ADAMTS9: variants seen among roughly 807,000 people sequenced by gnomAD.
ADAMTS9 encodes A disintegrin and metalloproteinase with thrombospondin motifs 9.
In ADAMTS9, 107 loss-of-function variants were observed where a neutral mutation model predicts 257.1. The ratio of observed to expected loss-of-function variants is 0.42; its 90% CI spans 0.36 to 0.49. The LOEUF is 0.49. Among genes scored for constraint, ADAMTS9 ranks in the 20% least tolerant of loss-of-function variants. ADAMTS9 has a pLI of 0.03. For missense variants in ADAMTS9, 2,353 were observed against 2,469.1 expected, an observed-to-expected ratio of 0.95 and a Z score of 1.00; for synonymous variants, 982 against 880.9, an observed-to-expected ratio of 1.11 and a Z score of -2.03.
chr3:64,638,977 A>G (rs1039756025), intron 12 of ADAMTS9, among the ~76,000 whole-genome samples: 3 of 152,150 alleles, frequency 2.0e-5, no homozygotes, highest in Non-Finnish European at 2.9e-5. Context: ...AACTGACAAA[A>G]GGCATATTCC....
intron 29 of ADAMTS9, among the ~76,000 whole-genome samples, chr3:64,566,314 TTACCCATGCAG>T (rs1268683258): frequency 3.3e-5 from 5 of 152,222 alleles, no homozygotes; most frequent in African/African-American, 1.2e-4. Flanking sequence ...AAATTGAATT[TTACCCATGCAG>T]TACTTTGTCT....
chr3:64,538,673 A>G lies in ADAMTS9; in HGVS notation c.5613+530T>C, dbSNP rs1215555392. Among the ~76,000 whole-genome samples the G allele has an allele frequency of 7.2e-5, 11 of 152,192 alleles. No homozygotes were observed. In the South Asian group the frequency reaches 1.5e-3, roughly 20 times the overall value. ...AATATTCAGATTCATAAAGGCTGAC[A>G]GTGGTGTGTTGGCACGTGCTTGAAC... On this transcript the variant is annotated intron_variant, in intron 37 of 39. Transcript: ENST00000498707.
At chr3:64,641,243 T>C (rs1331719768) in intron 12 of ADAMTS9, among the ~76,000 whole-genome samples, 6 of 108,914 alleles carry the variant, frequency 5.5e-5, no homozygotes, top group Non-Finnish European at 5.6e-5. Flanking sequence ...ATTAGTGTGC[T>C]ATCTTTTTTT....
Position 64,607,030 on chromosome 3 carries a change from A to G in ADAMTS9, c.3404T>C (p.Ile1135Thr). The G allele has an allele frequency of 6.2e-7, 1 of 1,613,922 alleles. No homozygotes were observed. Among genetic ancestry groups the G allele is most frequent in the Non-Finnish European group, 8.5e-7 (1 of 1,179,836 alleles). Residue 1135 changes from isoleucine to threonine, a missense_variant, in exon 23 of 40, where the codon ATC becomes ACC. Physicochemically the swap from Ile to Thr is moderately conservative, Grantham distance 89. This residue lies in a region of ADAMTS9 where 1,402 missense variants were observed against 1,441.4 expected (regional missense o/e 0.97). Transcript: ENST00000498707. ...QGYQLRAVKC[I>T]IGTYMSVVDD... The stretch of plus-strand genomic sequence containing the variant: ...TACCACTGACATATAAGTCCCAATG[A>G]TGCATTTCACTGCTCTTAGCTGGTA...
rs764821337 is a variant in ADAMTS9, at chr3:64,654,358, G to T, written c.1311C>A (p.Gly437=). The part of the protein sequence containing the change: ...STAFTIAHEL[G]HVFNMPHDDN... ...ATTACTGAAAGGTAACTCACACATGGCCCAGCTCATGGGCGATCGTAAAAG... is the reference window on the plus strand; with the variant it reads ...ATTACTGAAAGGTAACTCACACATGTCCCAGCTCATGGGCGATCGTAAAAG... Residue 437 remains glycine (G), a synonymous_variant, in exon 8 of 40, where the codon GGC becomes GGA. Coordinates refer to ENST00000498707, the MANE Select transcript of ADAMTS9 (RefSeq NM_182920.2). 6.2e-7 allele frequency: 1 copy of T among 1,613,300 alleles called. No homozygotes were observed. Among genetic ancestry groups the T allele is most frequent in the Non-Finnish European group, 8.5e-7 (1 of 1,179,664 alleles).
In ADAMTS9 at chr3:64,616,104, G is replaced by C; in HGVS notation, c.2880C>G (p.Ile960Met). Residue 960 changes from isoleucine (I) to methionine (M), a missense_variant, in exon 20 of 40, where the codon ATC (isoleucine) becomes ATG (methionine). Around this residue, in one of 3 missense-constraint regions of ADAMTS9, gnomAD observed 1,402 missense variants for 1,441.4 expected, o/e 0.97. Transcript: ENST00000498707. ...QCGLGYRTLDIYCAKYSRLDG... is the reference protein window; with the variant it reads ...QCGLGYRTLDMYCAKYSRLDG... ...CCAGCCTGCTATATTTGGCACAGTAGATGTCCAATGTGCGGTAACCCAAGC... is the reference window on the plus strand; with the variant it reads ...CCAGCCTGCTATATTTGGCACAGTACATGTCCAATGTGCGGTAACCCAAGC... The C allele has an allele frequency of 6.2e-7, 1 of 1,614,146 alleles. No homozygotes were observed.
intron 22 of ADAMTS9, among the ~76,000 whole-genome samples, chr3:64,612,098 T>C (rs544722417): frequency 6.6e-6 from 1 of 152,264 alleles, no homozygotes; most frequent in East Asian, 1.9e-4. Flanking sequence ...TTTGGTTTTC[T>C]TCTTTTTGCT....
Position 64,596,824 on chromosome 3 carries a change from T to G in ADAMTS9, c.4179+6A>C, listed in dbSNP as rs1200453006. 1 of 1,613,862 alleles carries G rather than the reference T, an allele frequency of 6.2e-7. No homozygotes were observed. Among genetic ancestry groups the G allele is most frequent in the East Asian group, 2.2e-5 (1 of 44,832 alleles). On this transcript the variant is annotated splice_donor_region_variant and intron_variant, in intron 27 of 39. Coordinates refer to ENST00000498707, the MANE Select transcript of ADAMTS9 (RefSeq NM_182920.2). ...CTGTATTTATAGACGGATAGTTCACTCTCACCTCTCCCCAGTTGCCATAAG... is the reference window on the plus strand; with the variant it reads ...CTGTATTTATAGACGGATAGTTCACGCTCACCTCTCCCCAGTTGCCATAAG...
chr3:64,667,491 G>A (rs889270315), intron 3 of ADAMTS9, among the ~76,000 whole-genome samples: 1 of 152,174 alleles, frequency 6.6e-6, no homozygotes, highest in African/African-American at 2.4e-5. Context: ...CGTGCGAGTG[G>A]AAGGCAACAA....
intron 3 of ADAMTS9, among the ~76,000 whole-genome samples, chr3:64,666,731 A>G (rs1046387728): frequency 3.3e-5 from 5 of 152,274 alleles, no homozygotes; most frequent in African/African-American, 1.2e-4. Context: ...CACAGAGGAC[A>G]GGTCCAATAC....
chr3:64,628,567 G>A (rs1700285300), intron 16 of ADAMTS9, among the ~76,000 whole-genome samples: 1 of 151,666 alleles, frequency 6.6e-6, no homozygotes, highest in African/African-American at 2.4e-5. Context: ...GCTGTGCAAG[G>A]AGAAATGGAT....
chr3:64,658,483 T>G lies in ADAMTS9; in HGVS notation c.969+19A>C. ...ACATTTAGAGACCTCATAAATCACC[T>G]TCGTTTGAATGTACTTACAATTGAC... On this transcript the variant is annotated intron_variant, in intron 4 of 39. Coordinates refer to ENST00000498707, the MANE Select transcript of ADAMTS9 (RefSeq NM_182920.2). 6.2e-7 allele frequency: 1 copy of G among 1,601,168 alleles called. No homozygotes were observed. The highest frequency in any genetic ancestry group is 8.5e-7 in the Non-Finnish European group (1 of 1,173,452).
In ADAMTS9 at chr3:64,604,328, A is replaced by T; in HGVS notation, c.3478T>A (p.Cys1160Ser). The T allele has an allele frequency of 6.2e-7, 1 of 1,607,220 alleles. No individual in the cohort carries two copies. The highest frequency in any genetic ancestry group is 8.5e-7 in the Non-Finnish European group (1 of 1,176,074). The change falls in exon 24 of 40, where the codon TGT (cysteine) becomes AGT (serine). Residue 1160 changes from cysteine (C) to serine (S), a missense_variant. Around this residue, in one of 3 missense-constraint regions of ADAMTS9, gnomAD observed 1,402 missense variants for 1,441.4 expected, o/e 0.97. Coordinates refer to ENST00000498707, the MANE Select transcript of ADAMTS9 (RefSeq NM_182920.2). Reference protein sequence around the residue: ...AATRPTDTQDCELPSCHPPPA... With the variant: ...AATRPTDTQDSELPSCHPPPA... ...GGAGGATGACATGATGGTAATTCAC[A>T]GTCCTAGACGTGATGGGGGAAAAAA...
rs371237082 is a variant in ADAMTS9, at chr3:64,602,138, G to T, written c.3823C>A (p.Arg1275=). ...CVNYSDHVID[R]SECDQDYIPE... The stretch of plus-strand genomic sequence containing the variant: ...ATATAATCCTGGTCACACTCACTCC[G>T]ATCGATCACGTGGTCACTGTAGTTG... Residue 1275 remains arginine (R), a synonymous_variant, in exon 26 of 40, where the codon CGG becomes AGG. Transcript: ENST00000498707. 4.3e-6 allele frequency: 7 copies of T among 1,613,962 alleles called. No homozygotes were observed. Among genetic ancestry groups the T allele is most frequent in the Non-Finnish European group, 5.9e-6 (7 of 1,180,004 alleles).
At chr3:64,648,114 T>C in intron 10 of ADAMTS9, 70 bp from the exon 11 acceptor site, 2 of 1,430,336 alleles carry the variant, frequency 1.4e-6, no homozygotes, top group Non-Finnish European at 1.9e-6. Context: ...AAAGCAAAGC[T>C]TGCTTTCAAC....
intron 11 of ADAMTS9, among the ~76,000 whole-genome samples, chr3:64,646,512 A>G (rs1700792352): frequency 6.6e-6 from 1 of 152,188 alleles, no homozygotes; most frequent in African/African-American, 2.4e-5. Context: ...TGAAAGCTCT[A>G]GAAGCTATTA....
chr3:64,658,520 A>T lies in ADAMTS9; in HGVS notation c.951T>A (p.Ile317=). Residue 317 remains isoleucine (I), a synonymous_variant, in exon 4 of 40, where the codon ATT becomes ATA. Coordinates refer to ENST00000498707, the MANE Select transcript of ADAMTS9 (RefSeq NM_182920.2). The stretch of plus-strand genomic sequence containing the variant: ...TACTTACAATTGACATTAAAGTTAA[A>T]ATATAGTGTTGAAGGTTTTCTCCAT... ...SYHGENLQHY[I]LTLMSIVASI... The T allele has an allele frequency of 6.2e-7, 1 of 1,611,388 alleles. No individual in the cohort carries two copies. Among genetic ancestry groups the T allele is most frequent in the Non-Finnish European group, 8.5e-7 (1 of 1,179,194 alleles).
rs780923572 is a variant in ADAMTS9, at chr3:64,686,524, G to T, written c.516+44C>A. On this transcript the variant is annotated intron_variant, in intron 2 of 39. Coordinates refer to ENST00000498707, the MANE Select transcript of ADAMTS9 (RefSeq NM_182920.2). This position sits in a 1 kb window ranked among gnomAD's most constrained non-coding sequence, Gnocchi z 4.6. ...GGACAATTAAGTCTTCTAGAAGCGG[G>T]CGAGGAGGCGGAAGGGGAGAGGAGG... The T allele has an allele frequency of 6.5e-6, 10 of 1,537,442 alleles. No homozygotes were observed. The South Asian group carries it at 1.3e-4, about 19-fold the overall frequency.
At chr3:64,542,924 T>C (rs918350684) in intron 32 of ADAMTS9, among the ~76,000 whole-genome samples, 1 of 151,610 alleles carries the variant, frequency 6.6e-6, no homozygotes, top group African/African-American at 2.4e-5. Context: ...TAAAAAATGA[T>C]AAAGGGAATA....
Sources: allele counts gnomAD v4.1 joint callset (sites outside exome capture counted in the v4.1 genomes callset), GRCh38; gene constraint gnomAD v4.1.1; regional missense constraint gnomAD v4.1.1; non-coding constraint Gnocchi (gnomAD v3.1); transcripts MANE v1.5; gene names NCBI Gene and HGNC (gene_info 2026-07-23, HGNC 2026-07-21).